PARP9: variants seen among roughly 807,000 people sequenced by gnomAD.
The protein encoded by PARP9 is poly(ADP-ribose) polymerase family member 9, also known as protein mono-ADP-ribosyltransferase PARP9.
PARP9 carries 48 observed loss-of-function variants against 68.8 expected under a neutral mutation model. The observed-to-expected ratio is 0.70, with a 90% confidence interval of 0.55 to 0.89. The LOEUF is 0.89. PARP9 is among the 40% of genes least tolerant of loss of function. The probability of loss-of-function intolerance (pLI) is 0.00; values close to 1 mark genes in which losing one functional copy is unlikely to be tolerated. For missense variants in PARP9, 806 were observed against 969.3 expected, an observed-to-expected ratio of 0.83 and a Z score of 2.24; for synonymous variants, 309 against 333.8, an observed-to-expected ratio of 0.93 and a Z score of 0.81.
chr3:122,557,002 C>T (rs745565500), intron 3 of PARP9, among the ~76,000 whole-genome samples: 11 of 152,080 alleles, frequency 7.2e-5, no homozygotes, highest in African/African-American at 1.7e-4. Flanking sequence ...AGCTAATTTC[C>T]GTATTTTTTT....
At chr3:122,559,398 C>T (rs931248212) in intron 2 of PARP9, among the ~76,000 whole-genome samples, 15 of 152,328 alleles carry the variant, frequency 9.8e-5, no homozygotes, top group African/African-American at 3.1e-4. Flanking sequence ...GAAAAATCAT[C>T]CAGCTTCAAG....
At chr3:122,563,657 CT>C (rs2107769677) in intron 1 of PARP9, among the ~76,000 whole-genome samples, 1 of 152,260 alleles carries the variant, frequency 6.6e-6, no homozygotes, top group East Asian at 1.9e-4. Context: ...CAGGCCCACT[CT>C]GTGCTTCAGA....
rs2080493483 is a variant in PARP9, at chr3:122,564,236, C to A, written c.-90+9G>T. 1 of 633,164 alleles carries A rather than the reference C, an allele frequency of 1.6e-6. No individual in the cohort carries two copies. Among genetic ancestry groups the A allele is most frequent in the Non-Finnish European group, 2.5e-6 (1 of 393,610 alleles). 39.2% of individuals were successfully genotyped at this position (633,164 alleles called of 1,614,324 possible). ...ACCCCGAGGGCCCAGAGGCACCGGACCTACTCACCCGGCAGGCCGCTCTCC... is the reference window on the plus strand; with the variant it reads ...ACCCCGAGGGCCCAGAGGCACCGGAACTACTCACCCGGCAGGCCGCTCTCC... On this transcript the variant is annotated intron_variant, in intron 1 of 10. Coordinates refer to ENST00000682323, the MANE Select transcript of PARP9 (RefSeq NM_001146105.2).
chr3:122,557,718 G>C (rs2079822976), intron 3 of PARP9, among the ~76,000 whole-genome samples: 1 of 152,124 alleles, frequency 6.6e-6, no homozygotes, highest in African/African-American at 2.4e-5. Flanking sequence ...ACCTTTCACA[G>C]TGAATTTTTT....
At chr3:122,537,503 C>T (rs1179422327) in intron 8 of PARP9, among the ~76,000 whole-genome samples, 4 of 152,136 alleles carry the variant, frequency 2.6e-5, no homozygotes, top group African/African-American at 4.8e-5. Context: ...TTTTCAGTTT[C>T]CTTCCTTATT....
Position 122,536,915 on chromosome 3 carries a change from T to G in PARP9, c.1905+19A>C. 1 of 1,591,124 alleles carries G rather than the reference T, an allele frequency of 6.3e-7. No homozygotes were observed. The highest frequency in any genetic ancestry group is 8.5e-7 in the Non-Finnish European group (1 of 1,173,630). ...ATTAACAACAAAATGAGCCAAATCT[T>G]CCCCTTTGTTAGGTATACCTTTAGA... is the stretch of plus-strand genomic sequence containing the variant. On this transcript the variant is annotated intron_variant, in intron 9 of 10. Transcript: ENST00000682323.
intron 9 of PARP9, chr3:122,536,673 C>T: frequency 1.9e-6 from 1 of 539,512 alleles, no homozygotes. Flanking sequence ...TGCTATTCCA[C>T]TTCTTTTATT....
intron 10 of PARP9, among the ~76,000 whole-genome samples, chr3:122,529,469 G>A (rs1167524443): frequency 6.6e-6 from 1 of 151,542 alleles, no homozygotes; most frequent in East Asian, 1.9e-4. Context: ...GTCTGACTTC[G>A]GCCGGGCGCG....
rs141826346 is a variant in PARP9, at chr3:122,559,607, A to G, written c.14T>C (p.Met5Thr). The change falls in exon 2 of 11, where the codon ATG (methionine) becomes ACG (threonine). Residue 5 changes from methionine (M) to threonine (T), a missense_variant and splice_region_variant. Coordinates refer to ENST00000682323, the MANE Select transcript of PARP9 (RefSeq NM_001146105.2). ...CGTATACACATTTATGCTTTTTACCATGGAAAAGTCCATCCTCCAGGTCCC... is the reference window on the plus strand; with the variant it reads ...CGTATACACATTTATGCTTTTTACCGTGGAAAAGTCCATCCTCCAGGTCCC... MDFS[M>T]VAGAAAYNEK... The G allele has an allele frequency of 1.3e-5, 20 of 1,591,030 alleles. No individual in the cohort carries two copies. The highest frequency in any genetic ancestry group is 1.7e-5 in the Non-Finnish European group (20 of 1,168,612).
intron 7 of PARP9, among the ~76,000 whole-genome samples, chr3:122,543,438 C>T (rs2078427284): frequency 6.6e-6 from 1 of 151,174 alleles, no homozygotes; most frequent in African/African-American, 2.4e-5. Context: ...CCACCATGCC[C>T]GGCTAATTTT....
rs753083939 is a variant in PARP9, at chr3:122,540,746, T to C, written c.1491A>G (p.Ala497=). The C allele has an allele frequency of 3.7e-6, 6 of 1,614,072 alleles. No individual in the cohort carries two copies. Among genetic ancestry groups the C allele is most frequent in the Non-Finnish European group, 4.2e-6 (5 of 1,180,032 alleles). ...FNVEEMYEAH[A]WIQRILSLQN... is the part of the protein sequence containing the mutation. ...GGAGACTCAGGATTCTTTGGATCCA[T>C]GCGTGGGCCTCATACATCTCTTCCA... The change falls in exon 8 of 11, where the codon GCA becomes GCG. Residue 497 remains alanine (A), a synonymous_variant. Coordinates refer to ENST00000682323, the MANE Select transcript of PARP9 (RefSeq NM_001146105.2).
At chr3:122,556,230 G>T in intron 3 of PARP9, 109 bp from the exon 4 acceptor site, 1 of 722,646 alleles carries the variant, frequency 1.4e-6, no homozygotes, top group Non-Finnish European at 2.1e-6. Context: ...TTTCCTATGT[G>T]CAAAAGAGAG....
chr3:122,551,085 G>A (rs940685280), intron 5 of PARP9, among the ~76,000 whole-genome samples: 2 of 152,104 alleles, frequency 1.3e-5, no homozygotes, highest in African/African-American at 2.4e-5. Flanking sequence ...ATCCCCCCAG[G>A]TCAGAGAGCC....
chr3:122,539,634 C>A (rs2078030808), intron 8 of PARP9, among the ~76,000 whole-genome samples: 1 of 150,440 alleles, frequency 6.6e-6, no homozygotes, highest in South Asian at 2.1e-4. Flanking sequence ...GATCTTGGTT[C>A]ACTGCAACCT....
chr3:122,551,689 T>C (rs1239750072), intron 5 of PARP9, among the ~76,000 whole-genome samples: 1 of 151,914 alleles, frequency 6.6e-6, no homozygotes, highest in Admixed American at 6.6e-5. Context: ...CCTCAGGTAA[T>C]AGATTTGATT....
chr3:122,542,025 C>G (rs1310532471), intron 7 of PARP9, among the ~76,000 whole-genome samples: 1 of 152,040 alleles, frequency 6.6e-6, no homozygotes, highest in East Asian at 1.9e-4. Flanking sequence ...AGGTTTTAGA[C>G]AACAGTAAGA....
At chr3:122,538,729 C>T (rs988622527) in intron 8 of PARP9, among the ~76,000 whole-genome samples, 2 of 151,658 alleles carry the variant, frequency 1.3e-5, no homozygotes, top group African/African-American at 4.8e-5. Flanking sequence ...TATAGGAGAT[C>T]CATGTTTCTT....
At chr3:122,537,446 G>C (rs1318261129) in intron 8 of PARP9, among the ~76,000 whole-genome samples, 16 of 152,200 alleles carry the variant, frequency 1.1e-4, no homozygotes, top group Admixed American at 1.0e-3. Flanking sequence ...AAAATATTAA[G>C]TAAGGAATGA....
intron 10 of PARP9, among the ~76,000 whole-genome samples, chr3:122,529,545 T>G (rs997832732): frequency 6.6e-6 from 1 of 151,542 alleles, no homozygotes; most frequent in South Asian, 2.1e-4. Flanking sequence ...GGTCAGGAGA[T>G]GGACACCATC....
Sources: gnomAD v4.1 joint callset for allele counts (sites outside exome capture counted in the v4.1 genomes callset) on GRCh38, gnomAD v4.1.1 for gene constraint, MANE v1.5 for transcripts, NCBI Gene and HGNC (gene_info 2026-07-23, HGNC 2026-07-21) for gene names.